CDH6: variants seen among roughly 807,000 people sequenced by gnomAD.
The protein encoded by CDH6 is cadherin-6.
In CDH6, 31 loss-of-function variants were observed where a neutral mutation model predicts 78.0. That is an observed-to-expected ratio of 0.40 (90% confidence interval 0.30 to 0.54). The LOEUF is 0.54. Ranked by LOEUF, CDH6 falls within the 20% of genes least tolerant of loss-of-function variation. The pLI, the probability that CDH6 is intolerant of heterozygous loss-of-function variation, is 0.56. For missense variants in CDH6, 724 were observed against 975.9 expected, an observed-to-expected ratio of 0.74 and a Z score of 3.44; for synonymous variants, 376 against 368.8, an observed-to-expected ratio of 1.02 and a Z score of -0.23.
intron 2 of CDH6, among the ~76,000 whole-genome samples, chr5:31,282,441 A>G (rs923832103): frequency 4.0e-5 from 6 of 151,614 alleles, no homozygotes; most frequent in Admixed American, 3.9e-4. Flanking sequence ...GGCTCCTATC[A>G]TCACATTTCC....
intron 3 of CDH6, among the ~76,000 whole-genome samples, chr5:31,296,852 A>G (rs1737623131): frequency 1.3e-5 from 2 of 152,142 alleles, no homozygotes; most frequent in African/African-American, 4.8e-5. Context: ...ATATCAGCAC[A>G]TTACGGTCCA....
chr5:31,262,400 C>T, intron 1 of CDH6, among the ~76,000 whole-genome samples: 1 of 152,162 alleles, frequency 6.6e-6, no homozygotes, highest in Admixed American at 6.5e-5. Context: ...ACCACTTTTG[C>T]ATATCAAATT....
At position 31,285,117 on chromosome 5, in the gene CDH6, T is replaced by C. The variant is rs760098288; in HGVS notation, c.229-8845T>C. 3.6e-4 allele frequency among the ~76,000 whole-genome samples: 55 copies of C among 152,248 alleles called. 1 individual carries two copies. Among genetic ancestry groups the C allele is most frequent in the Admixed American group, 1.3e-4 (2 of 15,278 alleles). Reference sequence around the variant, plus strand: ...CAAAAATAATTATAAGGAAGCTGCATCTTTCCTTGCACATTTGAGTGCAGT... The same window carrying C: ...CAAAAATAATTATAAGGAAGCTGCACCTTTCCTTGCACATTTGAGTGCAGT... On this transcript the variant is annotated intron_variant, in intron 2 of 11. Coordinates refer to ENST00000265071, the MANE Select transcript of CDH6 (RefSeq NM_004932.4).
At chr5:31,288,544 A>G (rs1419440885) in intron 2 of CDH6, among the ~76,000 whole-genome samples, 1 of 152,236 alleles carries the variant, frequency 6.6e-6, no homozygotes, top group East Asian at 1.9e-4. Context: ...CATTATATAT[A>G]AAGATGTATG....
intron 2 of CDH6, among the ~76,000 whole-genome samples, chr5:31,281,355 GTGTT>G (rs1272790087): frequency 6.6e-6 from 1 of 151,902 alleles, no homozygotes; most frequent in Non-Finnish European, 1.5e-5. Context: ...TGTGGGGGGT[GTGTT>G]TGTGTGTGTG....
intron 7 of CDH6, among the ~76,000 whole-genome samples, chr5:31,307,076 G>A (rs1738011679): frequency 6.6e-6 from 1 of 152,068 alleles, no homozygotes; most frequent in African/African-American, 2.4e-5. Context: ...AGAGAGGGAG[G>A]CGAGGTCAGA....
At chr5:31,207,095 T>C (rs1198653877) in intron 1 of CDH6, among the ~76,000 whole-genome samples, 2 of 152,098 alleles carry the variant, frequency 1.3e-5, no homozygotes, top group South Asian at 2.1e-4. Context: ...ATTGAGGTGA[T>C]AGGATTTCAA....
chr5:31,267,778 A>T (rs1327739295), intron 2 of CDH6, 77 bp downstream of exon 2: 1 of 1,048,362 alleles, frequency 9.5e-7, no homozygotes, highest in South Asian at 1.3e-5. Flanking sequence ...GATGGGGAGG[A>T]TGTGTACTAT....
At chr5:31,288,928 G>A (rs1047258521) in intron 2 of CDH6, among the ~76,000 whole-genome samples, 1 of 152,160 alleles carries the variant, frequency 6.6e-6, no homozygotes, top group Non-Finnish European at 1.5e-5. Context: ...GTGTCATCTA[G>A]GTAAGCTTTT....
In CDH6 at chr5:31,317,790, C is replaced by T. The variant is rs527986715; in HGVS notation, c.1748C>T (p.Thr583Ile). The change falls in exon 11 of 12, where the codon ACA becomes ATA. Residue 583 changes from threonine to isoleucine, a missense_variant. By Grantham distance (89) the Thr-to-Ile change is moderately conservative (BLOSUM62 -1). Around this residue, in one of 3 missense-constraint regions of CDH6, gnomAD observed 446 missense variants for 684.5 expected, o/e 0.65. Coordinates refer to ENST00000265071, the MANE Select transcript of CDH6 (RefSeq NM_004932.4). ...NDYPVQSSTG[T>I]VTVRVCACDH... is the part of the protein sequence containing the mutation. ...TACCCAGTTCAAAGCAGCACTGGGA[C>T]AGTGACTGTCCGGGTCTGTGCATGT... The T allele has an allele frequency of 6.2e-7, 1 of 1,614,202 alleles. No individual in the cohort carries two copies. The highest frequency in any genetic ancestry group is 1.7e-5 in the Admixed American group (1 of 60,032).
intron 6 of CDH6, 33 bp from the exon 7 acceptor site, chr5:31,305,140 AT>A (rs1406005346): frequency 6.3e-7 from 1 of 1,587,570 alleles, no homozygotes; most frequent in East Asian, 2.2e-5. Flanking sequence ...GCTGCTTTAA[AT>A]ATGTCACTTC....
At chr5:31,236,314 C>A (rs139585571) in intron 1 of CDH6, among the ~76,000 whole-genome samples, 1 of 152,278 alleles carries the variant, frequency 6.6e-6, no homozygotes, top group East Asian at 1.9e-4. Flanking sequence ...CTAATAACCA[C>A]CTCAATCAAG....
chr5:31,253,812 G>T (rs754947294), intron 1 of CDH6, among the ~76,000 whole-genome samples: 3 of 151,388 alleles, frequency 2.0e-5, no homozygotes, highest in Non-Finnish European at 4.4e-5. Context: ...AACTATAACA[G>T]GACTGATACA....
chr5:31,313,212 C>A, intron 7 of CDH6, 106 bp from the exon 8 acceptor site: 1 of 993,960 alleles, frequency 1.0e-6, no homozygotes, highest in Non-Finnish European at 1.5e-6. Flanking sequence ...ATTTATGCCA[C>A]AGATACTCTG....
Position 31,326,737 on chromosome 5 carries a change from G to A in CDH6, c.*3429G>A, listed in dbSNP as rs911120243. 4 of 147,052 alleles carry A rather than the reference G, an allele frequency of 2.7e-5. No individual in the cohort carries two copies. The highest frequency in any genetic ancestry group is 1.1e-4 in the African/African-American group (4 of 35,960). 9.1% of individuals were successfully genotyped at this position (147,052 alleles called of 1,614,324 possible). A position where few individuals can be genotyped will look rare whatever the true frequency, so the allele number is the denominator to read the frequency against. ...GACAGAATCTCGCTCTGTCGCCCAG[G>A]CTGGAATGCAGTGGCGCGATCTCTG... On this transcript the variant is annotated 3_prime_UTR_variant, in exon 12 of 12. Coordinates refer to ENST00000265071, the MANE Select transcript of CDH6 (RefSeq NM_004932.4).
intron 1 of CDH6, among the ~76,000 whole-genome samples, chr5:31,202,111 T>C (rs1215684905): frequency 9.6e-5 from 1 of 10,398 alleles, no homozygotes; most frequent in Non-Finnish European, 2.4e-4. Flanking sequence ...AATCAGTGTC[T>C]TTTTTTTTCT....
intron 2 of CDH6, among the ~76,000 whole-genome samples, chr5:31,290,631 C>G (rs1487948741): frequency 6.6e-6 from 1 of 152,086 alleles, no homozygotes; most frequent in African/African-American, 2.4e-5. Flanking sequence ...TTTTCACCAC[C>G]ACTTTCACAG....
At chr5:31,224,901 C>T (rs1043475373) in intron 1 of CDH6, among the ~76,000 whole-genome samples, 16 of 152,200 alleles carry the variant, frequency 1.1e-4, no homozygotes, top group African/African-American at 3.9e-4. Context: ...ATTTATATTT[C>T]AGCCAAGTTT....
chr5:31,293,934 TTTC>T (rs780936544), intron 2 of CDH6, 25 bp from the exon 3 acceptor site: 4 of 1,491,934 alleles, frequency 2.7e-6, no homozygotes, highest in Non-Finnish European at 3.6e-6. Context: ...TGACTTTTAC[TTTC>T]TTTAATTTTT....
Sources: gnomAD v4.1 joint callset for allele counts (sites outside exome capture counted in the v4.1 genomes callset) on GRCh38, gnomAD v4.1.1 for gene constraint, gnomAD v4.1.1 regional missense constraint, MANE v1.5 for transcripts, NCBI Gene and HGNC (gene_info 2026-07-23, HGNC 2026-07-21) for gene names.